Variants in DNAAF10 observed in about 807,000 individuals in gnomAD.
DNAAF10 encodes WD repeat domain 92.
DNAAF10 carries 28 observed loss-of-function variants against 43.7 expected under a neutral mutation model. The observed-to-expected ratio is 0.64, with a 90% CI of 0.48 to 0.88. The LOEUF (loss-of-function observed/expected upper bound fraction) is 0.88, where lower values mean the gene tolerates loss of function less well. Ranked by LOEUF, DNAAF10 falls within the 40% of genes least tolerant of loss-of-function variation. The pLI is 0.00. For synonymous variants in DNAAF10, 156 were observed against 157.3 expected, an observed-to-expected ratio of 0.99 and a Z score of 0.06; for missense variants, 403 against 439.1, an observed-to-expected ratio of 0.92 and a Z score of 0.73.
At chr2:68,151,582 G>T (rs550775107) in intron 1 of DNAAF10, among the ~76,000 whole-genome samples, 2 of 152,182 alleles carry the variant, frequency 1.3e-5, no homozygotes, top group South Asian at 4.2e-4. Context: ...TTTTTTTAAC[G>T]CATAGCAGGC....
At chr2:68,135,523 T>TG (rs925476838) in intron 6 of DNAAF10, among the ~76,000 whole-genome samples, 1 of 151,866 alleles carries the variant, frequency 6.6e-6, no homozygotes, top group African/African-American at 2.4e-5. Flanking sequence ...CTGCATTAAC[T>TG]GGGGGGAACT....
At chr2:68,143,199 T>C (rs574938271) in intron 3 of DNAAF10, among the ~76,000 whole-genome samples, 6 of 152,130 alleles carry the variant, frequency 3.9e-5, no homozygotes, top group South Asian at 2.1e-4. Flanking sequence ...ATCCCAGATA[T>C]AGAGATAAGA....
At chr2:68,139,419 T>C (rs1046241207) in intron 4 of DNAAF10, among the ~76,000 whole-genome samples, 1 of 152,118 alleles carries the variant, frequency 6.6e-6, no homozygotes, top group Non-Finnish European at 1.5e-5. Flanking sequence ...TAAAACTCTT[T>C]TCTTTATAAA....
In DNAAF10 at chr2:68,141,680, C is replaced by T; in HGVS notation, c.517+14G>A. 1.2e-6 allele frequency: 2 copies of T among 1,608,518 alleles called. No individual in the cohort carries two copies. The stretch of plus-strand genomic sequence containing the variant: ...ATCTGATAATTCAAATGCAAGAATT[C>T]TTCAATAATTTACCAAATGCCACAG... On this transcript the variant is annotated intron_variant, in intron 4 of 7. Coordinates refer to ENST00000295121, the MANE Select transcript of DNAAF10 (RefSeq NM_138458.4).
At position 68,138,873 on chromosome 2, in the gene DNAAF10, C is replaced by T. The variant is rs1210038874; in HGVS notation, c.518-16G>A. 4 of 1,557,648 alleles carry T rather than the reference C, an allele frequency of 2.6e-6. No homozygotes were observed. Among genetic ancestry groups the T allele is most frequent in the African/African-American group, 1.4e-5 (1 of 73,752 alleles). ...TAAGCATTGCCTGGAAATCAAGATA[C>T]AACATTTCACATCCTTATAAATGCA... On this transcript the variant is annotated splice_polypyrimidine_tract_variant and intron_variant, in intron 4 of 7. Transcript: ENST00000295121.
chr2:68,139,949 A>G (rs947439463), intron 4 of DNAAF10, among the ~76,000 whole-genome samples: 1 of 152,234 alleles, frequency 6.6e-6, no homozygotes, highest in African/African-American at 2.4e-5. Context: ...TTGAATGCAA[A>G]CAGAAACTTT....
chr2:68,131,252 G>A lies in DNAAF10; in HGVS notation c.1060C>T (p.Leu354Phe), dbSNP rs747096490. Reference protein sequence around the residue: ...QTVRVLIVTKLNKI With the variant: ...QTVRVLIVTKFNKI The stretch of plus-strand genomic sequence containing the variant: ...AAGTCTTGAAGTCAAATTTTATTGA[G>A]CTTTGTAACGATCAGTACTCTCACC... Residue 354 changes from leucine (L) to phenylalanine (F), a missense_variant, in exon 8 of 8, where the codon CTC becomes TTC. Coordinates refer to ENST00000295121, the MANE Select transcript of DNAAF10 (RefSeq NM_138458.4). 3.7e-6 allele frequency: 6 copies of A among 1,613,974 alleles called. No homozygotes were observed. In the South Asian group the frequency reaches 5.5e-5, roughly 15 times the overall value.
At chr2:68,134,886 T>A in intron 6 of DNAAF10, 87 bp from the exon 7 acceptor site, 2 of 1,425,536 alleles carry the variant, frequency 1.4e-6, no homozygotes, top group Non-Finnish European at 1.9e-6. Flanking sequence ...CTCTTACAAC[T>A]ATAATTTCAA....
chr2:68,140,181 C>T (rs1673145354), intron 4 of DNAAF10, among the ~76,000 whole-genome samples: 1 of 151,998 alleles, frequency 6.6e-6, no homozygotes, highest in Non-Finnish European at 1.5e-5. Flanking sequence ...AGAAGGAGGC[C>T]CCTGTCACTG....
intron 1 of DNAAF10, among the ~76,000 whole-genome samples, chr2:68,155,867 T>C (rs1437094094): frequency 6.6e-6 from 1 of 151,808 alleles, no homozygotes; most frequent in African/African-American, 2.4e-5. Context: ...GAGGCCGATG[T>C]AGGCAGACTG....
chr2:68,137,487 C>T, intron 5 of DNAAF10, 54 bp from the exon 6 acceptor site: 1 of 1,461,492 alleles, frequency 6.8e-7, no homozygotes, highest in Non-Finnish European at 9.2e-7. Context: ...ACTCAGGAGG[C>T]TCTTTTATAC....
At chr2:68,145,261 T>A (rs2103623356) in intron 2 of DNAAF10, among the ~76,000 whole-genome samples, 1 of 151,776 alleles carries the variant, frequency 6.6e-6, no homozygotes, top group East Asian at 1.9e-4. Context: ...CAACCATGTA[T>A]CTGAGGACGT....
At chr2:68,147,361 A>T in intron 2 of DNAAF10, 106 bp downstream of exon 2, 1 of 801,836 alleles carries the variant, frequency 1.2e-6, no homozygotes, top group Non-Finnish European at 2.0e-6. Context: ...AAAATGGAAC[A>T]TAGAAAGATT....
chr2:68,137,590 C>A (rs1221213011), intron 5 of DNAAF10, among the ~76,000 whole-genome samples, 157 bp from the exon 6 acceptor site: 1 of 152,166 alleles, frequency 6.6e-6, no homozygotes, highest in Non-Finnish European at 1.5e-5. Flanking sequence ...TTTTTCCAGC[C>A]AGGCGCGGTG....
At chr2:68,137,264 T>G (rs756105885) in intron 6 of DNAAF10, 35 bp downstream of exon 6, 6 of 1,592,656 alleles carry the variant, frequency 3.8e-6, no homozygotes, top group Middle Eastern at 3.4e-4. Context: ...AAGCTATCAT[T>G]CTTCTTCATA....
rs770251289 is a variant in DNAAF10 at position 68,137,472 on chromosome 2, G to A, written c.634-39C>T. On this transcript the variant is annotated intron_variant, in intron 5 of 7. Coordinates refer to ENST00000295121, the MANE Select transcript of DNAAF10 (RefSeq NM_138458.4). ...ATACTTATTATTGGTAGTCTCACCA[G>A]TATTACTCAGGAGGCTCTTTTATAC... 6 of 1,570,490 alleles carry A rather than the reference G, an allele frequency of 3.8e-6. No homozygotes were observed. In the East Asian group the frequency reaches 1.4e-4, roughly 36 times the overall value.
In DNAAF10 at chr2:68,153,001, A is replaced by T. The variant is rs535470998; in HGVS notation, c.183+4260T>A. 1.4e-3 allele frequency among the ~76,000 whole-genome samples: 212 copies of T among 152,326 alleles called. 1 individual carries two copies. The Middle Eastern group carries it at 0.024, about 17-fold the overall frequency. On this transcript the variant is annotated intron_variant, in intron 1 of 7. Transcript: ENST00000295121. ...TATTGCTATTTTTTTTAATATAAAC[A>T]TCTACAACTGTGTTTCCATTTTTCA...
At chr2:68,152,227 T>G (rs1023072383) in intron 1 of DNAAF10, among the ~76,000 whole-genome samples, 3 of 152,222 alleles carry the variant, frequency 2.0e-5, no homozygotes, top group African/African-American at 4.8e-5. Flanking sequence ...TTCTTTGTCC[T>G]TTTCTTAAAG....
intron 1 of DNAAF10, among the ~76,000 whole-genome samples, chr2:68,147,915 C>G (rs1673361153): frequency 6.6e-6 from 1 of 152,178 alleles, no homozygotes; most frequent in Admixed American, 6.5e-5. Flanking sequence ...AAGATATTAT[C>G]TTTCCAGATG....
Sources: allele counts gnomAD v4.1 joint callset (sites outside exome capture counted in the v4.1 genomes callset), GRCh38; gene constraint gnomAD v4.1.1; transcripts MANE v1.5; gene names NCBI Gene and HGNC (gene_info 2026-07-23, HGNC 2026-07-21).